Variants in HIVEP2 observed in about 807,000 individuals in gnomAD.
The protein encoded by HIVEP2 is HIVEP zinc finger 2, also known as transcription factor HIVEP2.
In HIVEP2, 14 loss-of-function variants were observed where a neutral mutation model predicts 180.7. The observed-to-expected ratio is 0.08, with a 90% CI of 0.05 to 0.12. HIVEP2 has a LOEUF of 0.12. Among genes scored for constraint, HIVEP2 ranks in the 10% least tolerant of loss-of-function variants. The pLI, the probability that HIVEP2 is intolerant of heterozygous loss-of-function variation, is 1.00. For missense variants in HIVEP2, 2,579 were observed against 3,008.5 expected, an observed-to-expected ratio of 0.86 and a Z score of 3.34; for synonymous variants, 1,184 against 1,136.4, an observed-to-expected ratio of 1.04 and a Z score of -0.84.
intron 2 of HIVEP2, among the ~76,000 whole-genome samples, chr6:142,794,504 T>C (rs1776235043): frequency 6.6e-6 from 1 of 152,148 alleles, no homozygotes; most frequent in South Asian, 2.1e-4. Flanking sequence ...CTTTCGTAAA[T>C]ATAACAGAAA....
At chr6:142,872,328 T>C (rs1158853268) in intron 1 of HIVEP2, among the ~76,000 whole-genome samples, 1 of 152,112 alleles carries the variant, frequency 6.6e-6, no homozygotes, top group East Asian at 1.9e-4. Context: ...GAACAATGAG[T>C]CTTTGGAATC....
At chr6:142,835,247 G>C (rs1775193766) in intron 2 of HIVEP2, among the ~76,000 whole-genome samples, 1 of 152,100 alleles carries the variant, frequency 6.6e-6, no homozygotes, top group Non-Finnish European at 1.5e-5. Context: ...TGACCCCAAT[G>C]AGCTGACTCA....
At chr6:142,786,075 C>T (rs1405524346) in intron 2 of HIVEP2, among the ~76,000 whole-genome samples, 1 of 152,138 alleles carries the variant, frequency 6.6e-6, no homozygotes, top group Non-Finnish European at 1.5e-5. Context: ...GAGATGCCAT[C>T]TCAGAAATTT....
chr6:142,888,154 ATAAAGT>A, intron 1 of HIVEP2, among the ~76,000 whole-genome samples: 1 of 152,330 alleles, frequency 6.6e-6, no homozygotes, highest in East Asian at 1.9e-4. Flanking sequence ...CATTTAGACT[ATAAAGT>A]TAGTTTTCTC....
At chr6:142,921,357 G>A (rs918222539) in intron 1 of HIVEP2, among the ~76,000 whole-genome samples, 6 of 152,212 alleles carry the variant, frequency 3.9e-5, no homozygotes, top group East Asian at 1.9e-4. Context: ...CCAACATGGC[G>A]AAACCTGTCT....
chr6:142,780,246 T>C (rs1263371087), intron 3 of HIVEP2, among the ~76,000 whole-genome samples: 1 of 152,200 alleles, frequency 6.6e-6, no homozygotes, highest in Non-Finnish European at 1.5e-5. Context: ...CACGCCATGC[T>C]TTCTCTCCTG....
intron 2 of HIVEP2, among the ~76,000 whole-genome samples, chr6:142,810,088 C>T (rs1030948661): frequency 9.2e-5 from 14 of 152,268 alleles, no homozygotes; most frequent in Non-Finnish European, 4.4e-5. Context: ...AGGCTGATTT[C>T]CTCACATCAC....
upstream of HIVEP2, among the ~76,000 whole-genome samples, chr6:142,945,578 C>T (rs550463008): frequency 2.6e-5 from 4 of 152,330 alleles, no homozygotes; most frequent in South Asian, 2.1e-4. This position sits in a 1 kb window ranked among gnomAD's most constrained non-coding sequence, Gnocchi z 5.5. Flanking sequence ...CACCCAGCAC[C>T]CCAGACGCGA....
chr6:142,862,920 T>C (rs1240578699), intron 1 of HIVEP2, among the ~76,000 whole-genome samples: 1 of 137,602 alleles, frequency 7.3e-6, no homozygotes, highest in Non-Finnish European at 1.5e-5. Context: ...TTATATAAAA[T>C]GTAATATATT....
Position 142,912,897 on chromosome 6 carries a change from G to A in HIVEP2, c.-641+32202C>T, listed in dbSNP as rs529770457. Among the ~76,000 whole-genome samples the A allele has an allele frequency of 3.3e-5, 5 of 152,358 alleles. No homozygotes were observed. In the South Asian group the frequency reaches 1.0e-3, roughly 32 times the overall value. ...TTGTGATCATTCCTACGAGGTAGATGCTTAGGTGGAATTATTGCTTGTGCT... is the reference window on the plus strand; with the variant it reads ...TTGTGATCATTCCTACGAGGTAGATACTTAGGTGGAATTATTGCTTGTGCT... On this transcript the variant is annotated intron_variant, in intron 1 of 9. Transcript: ENST00000367603.
chr6:142,816,785 A>T (rs1776849051), intron 2 of HIVEP2, among the ~76,000 whole-genome samples: 1 of 152,222 alleles, frequency 6.6e-6, no homozygotes, highest in African/African-American at 2.4e-5. Flanking sequence ...TTTACTGCCA[A>T]TGAGTTGTTC....
chr6:142,910,132 A>T (rs905979870), intron 1 of HIVEP2, among the ~76,000 whole-genome samples: 1 of 152,236 alleles, frequency 6.6e-6, no homozygotes, highest in Admixed American at 6.5e-5. Context: ...GCTCTGAGTG[A>T]AGGCTGAATA....
At chr6:142,801,020 A>G (rs934045552) in intron 2 of HIVEP2, among the ~76,000 whole-genome samples, 1 of 152,076 alleles carries the variant, frequency 6.6e-6, no homozygotes, top group African/African-American at 2.4e-5. Context: ...TCACCTCACT[A>G]TATAGTGTGG....
At chr6:142,820,769 G>A (rs765205418) in intron 2 of HIVEP2, among the ~76,000 whole-genome samples, 27 of 151,942 alleles carry the variant, frequency 1.8e-4, no homozygotes, top group Admixed American at 1.6e-3. Flanking sequence ...AAAACAAGTG[G>A]AACAGTACAC....
chr6:142,795,995 T>C (rs769823582), intron 2 of HIVEP2, among the ~76,000 whole-genome samples: 2 of 152,148 alleles, frequency 1.3e-5, no homozygotes, highest in Non-Finnish European at 2.9e-5. Flanking sequence ...GGCCCATTTC[T>C]CCACCACTCT....
At chr6:142,918,294 C>T (rs1562292099) in intron 1 of HIVEP2, among the ~76,000 whole-genome samples, 1 of 152,216 alleles carries the variant, frequency 6.6e-6, no homozygotes, top group Non-Finnish European at 1.5e-5. Flanking sequence ...GATCCGCCTG[C>T]CTCGGCCTCC....
intron 2 of HIVEP2, among the ~76,000 whole-genome samples, chr6:142,808,572 G>A (rs472185): frequency 0.55 from 82,064 of 149,750 alleles, 24,735 homozygotes; most frequent in Non-Finnish European, 0.68. Flanking sequence ...GAGAGATGGG[G>A]GAGGGATGGA....
intron 1 of HIVEP2, among the ~76,000 whole-genome samples, chr6:142,928,077 A>C (rs1777857830): frequency 6.6e-6 from 1 of 152,138 alleles, no homozygotes; most frequent in Admixed American, 6.5e-5. Context: ...TAAACTATGG[A>C]CCTGGGGTGA....
chr6:142,918,368 C>G (rs190542924), intron 1 of HIVEP2, among the ~76,000 whole-genome samples: 2 of 152,104 alleles, frequency 1.3e-5, no homozygotes, highest in Non-Finnish European at 1.5e-5. Flanking sequence ...TTCTATTAAA[C>G]GAACTCAAGA....
Sources: allele counts gnomAD v4.1 joint callset (sites outside exome capture counted in the v4.1 genomes callset), GRCh38; gene constraint gnomAD v4.1.1; non-coding constraint Gnocchi (gnomAD v3.1); transcripts MANE v1.5; gene names NCBI Gene and HGNC (gene_info 2026-07-23, HGNC 2026-07-21).